CACNA2D3: variants seen among roughly 807,000 people sequenced by gnomAD.
The protein encoded by CACNA2D3 is calcium voltage-gated channel auxiliary subunit alpha2delta 3, also known as voltage-dependent calcium channel subunit alpha-2/delta-3.
CACNA2D3 carries 60 observed loss-of-function variants against 160.6 expected under a neutral mutation model. That is an observed-to-expected ratio of 0.37 (90% CI 0.30 to 0.46). The LOEUF is 0.46. Ranked by LOEUF, CACNA2D3 falls within the 20% of genes least tolerant of loss-of-function variation. CACNA2D3 has a pLI of 1.00. For missense variants in CACNA2D3, 1,205 were observed against 1,365.0 expected (o/e 0.88, Z 1.85); for synonymous variants, 558 against 492.9 (o/e 1.13, Z -1.75).
At chr3:54,124,063 A>G (rs1214439951) in intron 2 of CACNA2D3, among the ~76,000 whole-genome samples, 1 of 152,216 alleles carries the variant, frequency 6.6e-6, no homozygotes, top group Non-Finnish European at 1.5e-5. Context: ...CAATCCCATT[A>G]TTCCCCAATC....
intron 13 of CACNA2D3, among the ~76,000 whole-genome samples, chr3:54,787,307 C>A (rs538426336): frequency 6.6e-6 from 1 of 152,094 alleles, no homozygotes; most frequent in Non-Finnish European, 1.5e-5. Flanking sequence ...ATCATTTAAG[C>A]CCCCTCATAT....
intron 5 of CACNA2D3, among the ~76,000 whole-genome samples, chr3:54,543,176 A>C (rs1160910310): frequency 6.6e-6 from 1 of 152,220 alleles, no homozygotes. Context: ...TTGAAATGGA[A>C]TGCTATACTG....
rs1380840047 is a variant in CACNA2D3, at chr3:54,705,670, GT to G, written c.1168-46927del. Among the ~76,000 whole-genome samples the G allele has an allele frequency of 5.9e-5, 9 of 152,156 alleles. No individual in the cohort carries two copies. The East Asian group carries it at 1.7e-3, about 29-fold the overall frequency. On this transcript the variant is annotated intron_variant, in intron 11 of 37. Transcript: ENST00000474759. Reference sequence around the variant, plus strand: ...AATTCAACAGTTTGGGCCTCCCAATGTTCCTATAACTAAAAGCTTTGAATTA... The same window carrying G: ...AATTCAACAGTTTGGGCCTCCCAATGTCCTATAACTAAAAGCTTTGAATTA...
chr3:54,562,250 A>G (rs1306187909), intron 5 of CACNA2D3, among the ~76,000 whole-genome samples: 2 of 152,220 alleles, frequency 1.3e-5, no homozygotes, highest in African/African-American at 4.8e-5. Flanking sequence ...CTGTGCTTTC[A>G]CAGAGATCAC....
chr3:54,751,778 G>A (rs1390711865), intron 11 of CACNA2D3, among the ~76,000 whole-genome samples: 1 of 152,206 alleles, frequency 6.6e-6, no homozygotes, highest in Non-Finnish European at 1.5e-5. Flanking sequence ...TCACAAAGAG[G>A]TGGCCACAGG....
At chr3:54,985,728 G>C (rs1485410748) in intron 30 of CACNA2D3, among the ~76,000 whole-genome samples, 1 of 152,174 alleles carries the variant, frequency 6.6e-6, no homozygotes, top group Non-Finnish European at 1.5e-5. Flanking sequence ...TTAGTTAATT[G>C]TCCTTAAGTG....
At chr3:54,849,044 C>A (rs1360300515) in intron 17 of CACNA2D3, among the ~76,000 whole-genome samples, 1 of 152,172 alleles carries the variant, frequency 6.6e-6, no homozygotes, top group African/African-American at 2.4e-5. Flanking sequence ...ACCTAAAGAG[C>A]ACTTTTTGAT....
intron 11 of CACNA2D3, among the ~76,000 whole-genome samples, chr3:54,672,427 G>A (rs1026686525): frequency 4.6e-5 from 7 of 152,096 alleles, no homozygotes; most frequent in South Asian, 2.1e-4. Flanking sequence ...CTAACCTCCC[G>A]TTGGCCTTTT....
intron 2 of CACNA2D3, among the ~76,000 whole-genome samples, chr3:54,244,554 G>T (rs555204152): frequency 7.2e-5 from 11 of 152,256 alleles, no homozygotes; most frequent in African/African-American, 2.4e-4. Context: ...GGTAATGCCT[G>T]GCTCATAGGT....
intron 3 of CACNA2D3, among the ~76,000 whole-genome samples, chr3:54,350,977 TTTTTGTTTG>T (rs1462241499): frequency 0.035 from 1,621 of 45,850 alleles, 368 homozygotes; most frequent in Middle Eastern, 0.064. Flanking sequence ...TGTTTTTTTT[TTTTTGTTTG>T]TTTTTTTTTT....
intron 11 of CACNA2D3, among the ~76,000 whole-genome samples, chr3:54,751,209 G>T (rs1176004447): frequency 6.6e-6 from 1 of 152,106 alleles, no homozygotes; most frequent in Admixed American, 6.5e-5. Flanking sequence ...ACTGGAGAGA[G>T]GTCTGTCTGC....
chr3:54,871,001 G>A (rs116328439), intron 17 of CACNA2D3, among the ~76,000 whole-genome samples: 1 of 150,872 alleles, frequency 6.6e-6, no homozygotes, highest in East Asian at 1.9e-4. Flanking sequence ...TAAGTAAGAA[G>A]CCCTTTCTCG....
At chr3:55,030,064 T>C (rs1183807645) in intron 35 of CACNA2D3, among the ~76,000 whole-genome samples, 1 of 152,192 alleles carries the variant, frequency 6.6e-6, no homozygotes. Context: ...CTTCATCTTA[T>C]TTTTCCCCAA....
At chr3:54,355,224 G>T (rs893807203) in intron 3 of CACNA2D3, among the ~76,000 whole-genome samples, 1 of 152,212 alleles carries the variant, frequency 6.6e-6, no homozygotes, top group Non-Finnish European at 1.5e-5. Context: ...ATGGACAGGG[G>T]CTGGGTTATG....
At chr3:54,146,731 C>A (rs1158207252) in intron 2 of CACNA2D3, among the ~76,000 whole-genome samples, 1 of 152,204 alleles carries the variant, frequency 6.6e-6, no homozygotes, top group Non-Finnish European at 1.5e-5. Context: ...AGGGGGAGGC[C>A]CTGAGGGAGT....
At chr3:54,188,385 G>C (rs1700921232) in intron 2 of CACNA2D3, among the ~76,000 whole-genome samples, 1 of 152,226 alleles carries the variant, frequency 6.6e-6, no homozygotes, top group Admixed American at 6.5e-5. Flanking sequence ...TCCAGCTTCA[G>C]GACCTGTAAA....
intron 14 of CACNA2D3, among the ~76,000 whole-genome samples, chr3:54,828,755 T>C (rs1485890190): frequency 6.6e-6 from 1 of 152,210 alleles, no homozygotes; most frequent in African/African-American, 2.4e-5. Context: ...CTGTTTACTT[T>C]TGTATTTAAA....
At chr3:54,792,475 T>A (rs1702777259) in intron 13 of CACNA2D3, among the ~76,000 whole-genome samples, 1 of 152,072 alleles carries the variant, frequency 6.6e-6, no homozygotes, top group Non-Finnish European at 1.5e-5. Context: ...AAAACTGAAA[T>A]GTCAAAGTAT....
rs895309120 is a variant in CACNA2D3, at chr3:54,362,757, G to A, written c.322-23958G>A. Among the ~76,000 whole-genome samples the A allele has an allele frequency of 5.3e-5, 8 of 152,298 alleles. No homozygotes were observed. The East Asian group carries it at 7.7e-4, about 15-fold the overall frequency. ...CATTGAGTGGGCACAGCTGAACAGC[G>A]GTGTGTGTCAAGCCTTGAGTCAACT... On this transcript the variant is annotated intron_variant, in intron 3 of 37. Transcript: ENST00000474759.
Sources: gnomAD v4.1 joint callset for allele counts (sites outside exome capture counted in the v4.1 genomes callset) on GRCh38, gnomAD v4.1.1 for gene constraint, MANE v1.5 for transcripts, NCBI Gene and HGNC (gene_info 2026-07-23, HGNC 2026-07-21) for gene names.